The following TRPC4AP variants were observed in gnomAD, a reference collection of about 807,000 sequenced individuals.
TRPC4AP encodes transient receptor potential cation channel subfamily C member 4 associated protein, also known as short transient receptor potential channel 4-associated protein.
A neutral mutation model predicts 99.0 loss-of-function variants in TRPC4AP; 45 were observed. The ratio of observed to expected loss-of-function variants is 0.45; its 90% CI spans 0.36 to 0.58. The LOEUF (loss-of-function observed/expected upper bound fraction) is 0.58, where lower values mean the gene tolerates loss of function less well. Among genes scored for constraint, TRPC4AP ranks in the 20% least tolerant of loss-of-function variants. The pLI is 0.00. For synonymous variants in TRPC4AP, 408 were observed against 385.8 expected, an observed-to-expected ratio of 1.06 and a Z score of -0.67; for missense variants, 879 against 985.3, an observed-to-expected ratio of 0.89 and a Z score of 1.44.
intron 12 of TRPC4AP, among the ~76,000 whole-genome samples, chr20:35,009,660 C>CA (rs900410847): frequency 1.3e-5 from 2 of 152,108 alleles, no homozygotes; most frequent in Non-Finnish European, 2.9e-5. Context: ...CAAAACAAAA[C>CA]AAACAAACAA....
intron 6 of TRPC4AP, among the ~76,000 whole-genome samples, chr20:35,049,345 T>A (rs957097801): frequency 2.0e-5 from 3 of 151,886 alleles, no homozygotes; most frequent in Non-Finnish European, 2.9e-5. Context: ...TGTCTCCTAC[T>A]GCGCTGGTGC....
intron 3 of TRPC4AP, among the ~76,000 whole-genome samples, chr20:35,060,404 T>C (rs1407610016): frequency 3.3e-5 from 5 of 151,740 alleles, no homozygotes; most frequent in Admixed American, 6.6e-5. Context: ...CTGGGCAACA[T>C]AGTGAGACCC....
intron 12 of TRPC4AP, among the ~76,000 whole-genome samples, chr20:35,009,513 G>T (rs1442482904): frequency 6.6e-6 from 1 of 152,160 alleles, no homozygotes; most frequent in Non-Finnish European, 1.5e-5. Context: ...GGGAATGGTG[G>T]CGCACACCTG....
chr20:35,003,905 C>T (rs764839502), intron 17 of TRPC4AP, among the ~76,000 whole-genome samples: 7 of 152,184 alleles, frequency 4.6e-5, no homozygotes, highest in Non-Finnish European at 8.8e-5. Flanking sequence ...CCGGAAGGTC[C>T]GTCCCAGGCA....
chr20:35,081,277 C>T (rs2084638249), intron 1 of TRPC4AP, among the ~76,000 whole-genome samples: 1 of 151,720 alleles, frequency 6.6e-6, no homozygotes, highest in South Asian at 2.1e-4. Context: ...CTTTGGGAGG[C>T]AGAGACAGAC....
chr20:35,062,523 C>T (rs1411285483), intron 3 of TRPC4AP, among the ~76,000 whole-genome samples: 3 of 152,142 alleles, frequency 2.0e-5, no homozygotes, highest in Admixed American at 6.5e-5. Context: ...TATTGATACA[C>T]GTTATGACAC....
chr20:35,038,708 G>A (rs2083380443), intron 7 of TRPC4AP, among the ~76,000 whole-genome samples: 1 of 152,146 alleles, frequency 6.6e-6, no homozygotes, highest in Non-Finnish European at 1.5e-5. Flanking sequence ...CCACAGGGAG[G>A]GGAACAAACT....
intron 3 of TRPC4AP, among the ~76,000 whole-genome samples, chr20:35,058,103 T>C (rs2083886004): frequency 6.6e-6 from 1 of 152,066 alleles, no homozygotes; most frequent in Admixed American, 6.6e-5. Flanking sequence ...AAAGGGTCAA[T>C]CCATTAGAAA....
chr20:35,079,513 A>C (rs1319855025), intron 1 of TRPC4AP, among the ~76,000 whole-genome samples: 1 of 152,196 alleles, frequency 6.6e-6, no homozygotes, highest in Non-Finnish European at 1.5e-5. Flanking sequence ...TACAGCAAAC[A>C]GAAGAAAAAA....
At chr20:35,091,958 C>CA (rs1481793465) in intron 1 of TRPC4AP, among the ~76,000 whole-genome samples, 7 of 151,786 alleles carry the variant, frequency 4.6e-5, no homozygotes, top group African/African-American at 1.7e-4. Context: ...GGCCTGACTC[C>CA]AGAGTCCCTC....
Position 35,003,568 on chromosome 20 carries a change from G to A in TRPC4AP, c.2098C>T (p.Arg700Ter), listed in dbSNP as rs2082443940. 3 of 1,614,060 alleles carry A rather than the reference G, an allele frequency of 1.9e-6. No individual in the cohort carries two copies. The highest frequency in any genetic ancestry group is 1.7e-5 in the Admixed American group (1 of 60,024). Residue 700 changes from arginine to a stop codon, truncating the protein, a stop_gained, in exon 18 of 19, where the codon CGA becomes TGA. Coordinates refer to ENST00000252015, the MANE Select transcript of TRPC4AP (RefSeq NM_015638.3). LOFTEE classifies it high-confidence loss of function. Reference protein sequence around the residue: ...NTSLVILMLARRKERLPLYLR... With the variant: ...NTSLVILMLA ...TACAGGGGCAGCCGCTCTTTCCGTC[G>A]GGCCAGCATCAGGATCACCAGGCTG...
Position 35,029,883 on chromosome 20 carries a change from A to G in TRPC4AP, c.1051+5240T>C, listed in dbSNP as rs1245795573. ...GATCTCCTGACCTCGTGATCCGCCC[A>G]CCTCAGACTCCCAAAGTGCTGGGAT... On this transcript the variant is annotated intron_variant, in intron 8 of 18. Transcript: ENST00000252015. 4.1e-5 allele frequency among the ~76,000 whole-genome samples: 6 copies of G among 144,768 alleles called. No homozygotes were observed. In the South Asian group the frequency reaches 9.1e-4, roughly 22 times the overall value. 95.0% of individuals were successfully genotyped at this position (144,768 alleles called of 152,430 possible).
chr20:35,086,172 T>G (rs2084839868), intron 1 of TRPC4AP, among the ~76,000 whole-genome samples: 1 of 151,968 alleles, frequency 6.6e-6, no homozygotes. Flanking sequence ...TTGCCCAGGT[T>G]GGTCTTGAAC....
chr20:35,003,478 G>C lies in TRPC4AP; in HGVS notation c.2188C>G (p.His730Asp). The C allele has an allele frequency of 1.2e-6, 2 of 1,614,116 alleles. No homozygotes were observed. The highest frequency in any genetic ancestry group is 1.7e-6 in the Non-Finnish European group (2 of 1,180,030). Reference protein sequence around the residue: ...KYPGFLLNNFHNLLRFWQQHY... With the variant: ...KYPGFLLNNFDNLLRFWQQHY... ...TGCTGCCAGAAGCGCAGCAGGTTGT[G>C]GAAGTTGTTGAGCAGGAAGCCGGGG... Residue 730 changes from histidine (H) to aspartate (D), a missense_variant, in exon 18 of 19, where the codon CAC becomes GAC. Physicochemically the swap from His to Asp is moderately conservative, Grantham distance 81. Transcript: ENST00000252015.
intron 11 of TRPC4AP, among the ~76,000 whole-genome samples, chr20:35,012,687 G>A (rs533997180): frequency 4.1e-4 from 63 of 152,304 alleles, no homozygotes; most frequent in African/African-American, 1.4e-3. Context: ...GAATAGCCAC[G>A]CTGTCCACTC....
chr20:35,062,635 C>G (rs1399704716), intron 3 of TRPC4AP, among the ~76,000 whole-genome samples: 1 of 152,142 alleles, frequency 6.6e-6, no homozygotes, highest in Non-Finnish European at 1.5e-5. Flanking sequence ...ATAATTAAAT[C>G]TATAAAGACA....
intron 6 of TRPC4AP, among the ~76,000 whole-genome samples, chr20:35,047,682 T>C (rs1471821683): frequency 3.9e-5 from 6 of 152,340 alleles, no homozygotes; most frequent in Admixed American, 1.3e-4. Flanking sequence ...GGAATGTATA[T>C]AGAAATGTCA....
At chr20:35,016,262 G>T in intron 9 of TRPC4AP, 123 bp from the exon 10 acceptor site, 4 of 1,177,650 alleles carry the variant, frequency 3.4e-6, no homozygotes, top group Non-Finnish European at 2.4e-6. Flanking sequence ...AGTAAGGAGG[G>T]CCAGGGTCTG....
At chr20:35,007,905 C>T (rs547568543) in intron 13 of TRPC4AP, among the ~76,000 whole-genome samples, 15 of 152,312 alleles carry the variant, frequency 9.8e-5, no homozygotes, top group African/African-American at 3.6e-4. Flanking sequence ...GATCGAAGGG[C>T]TGGCTCCTGC....
Sources: gnomAD v4.1 joint callset for allele counts (sites outside exome capture counted in the v4.1 genomes callset) on GRCh38, gnomAD v4.1.1 for gene constraint, MANE v1.5 for transcripts, NCBI Gene and HGNC (gene_info 2026-07-23, HGNC 2026-07-21) for gene names.